The following DTNA variants were observed in gnomAD, a reference collection of about 807,000 sequenced individuals.
DTNA encodes dystrobrevin alpha, also known as dystrophin-related protein 3.
A neutral mutation model predicts 100.7 loss-of-function variants in DTNA; 43 were observed. That is an observed-to-expected ratio of 0.43 (90% CI 0.33 to 0.55). The LOEUF is 0.55. Among genes scored for constraint, DTNA ranks in the 20% least tolerant of loss-of-function variants. DTNA has a pLI of 0.04. For missense variants in DTNA, 798 were observed against 953.9 expected (o/e 0.84, Z 2.15); for synonymous variants, 349 against 347.9 (o/e 1.00, Z -0.04).
intron 1 of DTNA, among the ~76,000 whole-genome samples, chr18:34,511,796 G>A (rs1048138952): frequency 6.6e-5 from 10 of 152,104 alleles, no homozygotes; most frequent in African/African-American, 2.4e-4. Flanking sequence ...AATAGCTAGT[G>A]TAAATATTAA....
rs571007721 is a variant in DTNA at position 34,545,968 on chromosome 18, G to A, written c.-2+52454G>A. ...TTTCTCAAAGCACAGTGTGCAGCAC[G>A]TTTGTTCAGAGATCATTCATTAAGG... On this transcript the variant is annotated intron_variant, in intron 1 of 19. Transcript: ENST00000283365. Among the ~76,000 whole-genome samples the A allele has an allele frequency of 4.6e-5, 7 of 152,208 alleles. No homozygotes were observed. The South Asian group carries it at 1.5e-3, about 32-fold the overall frequency.
At chr18:34,602,095 T>C (rs2051985133) in intron 1 of DTNA, among the ~76,000 whole-genome samples, 1 of 152,176 alleles carries the variant, frequency 6.6e-6, no homozygotes, top group South Asian at 2.1e-4. Flanking sequence ...AAATACATAG[T>C]CTCGAATAGC....
chr18:34,890,582 C>G lies in DTNA; in HGVS notation c.*2848C>G. ...CCTGTTAATAAGCACTGGTCTAACA[C>G]AGCCAACCCTCCTCCACAGCGCCAT... On this transcript the variant is annotated 3_prime_UTR_variant, in exon 23 of 23. Transcript: ENST00000444659. 1 of 1,254,448 alleles carries G rather than the reference C, an allele frequency of 8.0e-7. No homozygotes were observed. The highest frequency in any genetic ancestry group is 1.5e-5 in the South Asian group (1 of 64,798). The allele number at this position is 1,254,448 out of a possible 1,614,324, so 77.7% of individuals were successfully genotyped here.
intron 1 of DTNA, among the ~76,000 whole-genome samples, chr18:34,626,183 A>C (rs2057299851): frequency 6.6e-6 from 1 of 152,210 alleles, no homozygotes; most frequent in Non-Finnish European, 1.5e-5. Context: ...ATTACATCAG[A>C]CACATACAGA....
chr18:34,604,914 G>C (rs1400132342), intron 1 of DTNA, among the ~76,000 whole-genome samples: 1 of 152,112 alleles, frequency 6.6e-6, no homozygotes, highest in Admixed American at 6.6e-5. Context: ...TATTCTCAGA[G>C]AGTATGCTTT....
chr18:34,518,931 C>A (rs2041919842), intron 1 of DTNA, among the ~76,000 whole-genome samples: 1 of 151,830 alleles, frequency 6.6e-6, no homozygotes, highest in African/African-American at 2.4e-5. Flanking sequence ...TGGATGCAGG[C>A]AGAGTAGGTG....
At chr18:34,607,693 AG>A (rs771444446) in intron 1 of DTNA, among the ~76,000 whole-genome samples, 2 of 152,186 alleles carry the variant, frequency 1.3e-5, no homozygotes, top group Non-Finnish European at 2.9e-5. Context: ...TTTGTCCTGA[AG>A]GGTTCCTGAT....
At chr18:34,752,608 A>T (rs1394003763) in intron 1 of DTNA, among the ~76,000 whole-genome samples, 1 of 152,202 alleles carries the variant, frequency 6.6e-6, no homozygotes, top group Admixed American at 6.5e-5. Flanking sequence ...TGACTACACT[A>T]CTTTCCAGAA....
chr18:34,511,459 C>G (rs2041085043), intron 1 of DTNA, among the ~76,000 whole-genome samples: 1 of 151,982 alleles, frequency 6.6e-6, no homozygotes, highest in South Asian at 2.1e-4. Flanking sequence ...TTCCTGGGCT[C>G]TATGACTTAG....
chr18:34,520,330 A>C (rs1019722303), intron 1 of DTNA, among the ~76,000 whole-genome samples: 22 of 152,136 alleles, frequency 1.4e-4, no homozygotes, highest in Non-Finnish European at 2.9e-4. Flanking sequence ...CACTTGACCC[A>C]AAGTGGATCT....
chr18:34,702,163 G>A (rs564739520), intron 1 of DTNA, among the ~76,000 whole-genome samples: 15 of 152,120 alleles, frequency 9.9e-5, no homozygotes, highest in Non-Finnish European at 1.8e-4. Context: ...TCCTACTCAC[G>A]GACTCGGGTC....
chr18:34,817,958 C>CCATTT (rs2095632625), intron 7 of DTNA: 2 of 1,458,278 alleles, frequency 1.4e-6, no homozygotes, highest in Non-Finnish European at 9.0e-7. Flanking sequence ...CTTCTCCATC[C>CCATTT]CATTTCATTT....
chr18:34,549,406 T>G (rs965931172), intron 1 of DTNA, among the ~76,000 whole-genome samples: 1 of 152,096 alleles, frequency 6.6e-6, no homozygotes, highest in Admixed American at 6.6e-5. Flanking sequence ...AATCAAAGCC[T>G]GTGCTTTGAT....
intron 1 of DTNA, among the ~76,000 whole-genome samples, chr18:34,585,968 G>C (rs1392391634): frequency 6.6e-6 from 1 of 152,184 alleles, no homozygotes; most frequent in Non-Finnish European, 1.5e-5. Context: ...TTTTCAAGCA[G>C]TGCTTCCCAG....
chr18:34,594,850 AAT>A lies in DTNA; in HGVS notation c.-2+101339_-2+101340del, dbSNP rs1436671629. ...TCCTTATCCCTCCAGACCCCTGATG[AAT>A]ATGACTACTCAGCGCCCCCGTTTTC... On this transcript the variant is annotated intron_variant, in intron 1 of 19. Transcript: ENST00000283365. Among the ~76,000 whole-genome samples, 6 of 152,264 alleles carry A rather than the reference AAT, an allele frequency of 3.9e-5. No individual in the cohort carries two copies. In the South Asian group the frequency reaches 1.2e-3, roughly 32 times the overall value.
intron 1 of DTNA, among the ~76,000 whole-genome samples, chr18:34,648,109 C>A (rs369688235): frequency 6.6e-6 from 1 of 152,138 alleles, no homozygotes; most frequent in East Asian, 1.9e-4. Context: ...CATATTAAAG[C>A]ATCTGAGTTG....
At chr18:34,540,387 T>C (rs539058310) in intron 1 of DTNA, among the ~76,000 whole-genome samples, 19 of 152,104 alleles carry the variant, frequency 1.2e-4, no homozygotes, top group African/African-American at 4.6e-4. Flanking sequence ...TTGTCCACAA[T>C]AACAAAGAAA....
At chr18:34,655,365 C>G (rs767796215) in intron 1 of DTNA, among the ~76,000 whole-genome samples, 9 of 152,134 alleles carry the variant, frequency 5.9e-5, no homozygotes, top group African/African-American at 1.7e-4. Flanking sequence ...CCTCCTCCCC[C>G]ACCTCCCACC....
At chr18:34,664,091 A>G (rs2075576232) in intron 1 of DTNA, among the ~76,000 whole-genome samples, 1 of 152,168 alleles carries the variant, frequency 6.6e-6, no homozygotes, top group Admixed American at 6.6e-5. Flanking sequence ...AACTGTCCAT[A>G]ATAATCTGAA....
Sources: gnomAD v4.1 joint callset for allele counts (sites outside exome capture counted in the v4.1 genomes callset) on GRCh38, gnomAD v4.1.1 for gene constraint, MANE v1.5 for transcripts, NCBI Gene and HGNC (gene_info 2026-07-23, HGNC 2026-07-21) for gene names.